The following ARHGAP1 variants were observed in gnomAD, a reference collection of about 807,000 sequenced individuals.
ARHGAP1 encodes the protein rho GTPase-activating protein 1.
ARHGAP1 carries 23 observed loss-of-function variants against 52.2 expected under a neutral mutation model. The observed-to-expected ratio is 0.44, with a 90% CI of 0.32 to 0.62. ARHGAP1 has a LOEUF of 0.62. Ranked by LOEUF, ARHGAP1 falls within the 20% of genes least tolerant of loss-of-function variation. The probability of loss-of-function intolerance (pLI) is 0.05; values close to 1 mark genes in which losing one functional copy is unlikely to be tolerated. For missense variants in ARHGAP1, 480 were observed against 560.9 expected (o/e 0.86, Z 1.46); for synonymous variants, 210 against 228.4 (o/e 0.92, Z 0.73).
At chr11:46,697,854 C>G (rs555612655) in intron 1 of ARHGAP1, among the ~76,000 whole-genome samples, 1 of 152,086 alleles carries the variant, frequency 6.6e-6, no homozygotes, top group African/African-American at 2.4e-5. Flanking sequence ...TCCCCTTCAG[C>G]CTTCAACCCT....
In ARHGAP1 at chr11:46,681,340, T is replaced by G. The variant is rs757749300; in HGVS notation, c.489A>C (p.Pro163=). 3 of 1,613,638 alleles carry G rather than the reference T, an allele frequency of 1.9e-6. No individual in the cohort carries two copies. Among genetic ancestry groups the G allele is most frequent in the African/African-American group, 2.7e-5 (2 of 74,918 alleles). Reference sequence around the variant, plus strand: ...TGAGCAGAGTTTTGATGAACATGGTTGGATGCACGATGTACAAGGCCTTGA... The same window carrying G: ...TGAGCAGAGTTTTGATGAACATGGTGGGATGCACGATGTACAAGGCCTTGA... ...KNIKALYIVH[P]TMFIKTLLIL... The change falls in exon 6 of 13, where the codon CCA becomes CCC. Residue 163 remains proline, a synonymous_variant. Transcript: ENST00000311956. The surrounding 1 kb of genome is among the most constrained non-coding windows in gnomAD (Gnocchi z 5.7).
At position 46,680,596 on chromosome 11, in the gene ARHGAP1, A is replaced by G; in HGVS notation, c.744-33T>C. ...AAAAAGGCTGGTGAGCCGGGCCTGC[A>G]GCCCTTCCCGCCCCGCCGTGGCCCA... On this transcript the variant is annotated intron_variant, in intron 8 of 12. Coordinates refer to ENST00000311956, the MANE Select transcript of ARHGAP1 (RefSeq NM_004308.5). The surrounding 1 kb of genome is among the most constrained non-coding windows in gnomAD (Gnocchi z 5.9). 1.2e-6 allele frequency: 2 copies of G among 1,613,370 alleles called. No individual in the cohort carries two copies. Among genetic ancestry groups the G allele is most frequent in the Non-Finnish European group, 1.7e-6 (2 of 1,179,520 alleles).
chr11:46,695,289 C>T (rs2064643732), intron 3 of ARHGAP1: 1 of 359,384 alleles, frequency 2.8e-6, no homozygotes, highest in Admixed American at 3.7e-5. Context: ...AGGACTGGCA[C>T]TCCTCATCCT....
chr11:46,699,383 G>A (rs1180444325), intron 1 of ARHGAP1, among the ~76,000 whole-genome samples: 1 of 152,138 alleles, frequency 6.6e-6, no homozygotes, highest in Non-Finnish European at 1.5e-5. Flanking sequence ...GATGAGGCAT[G>A]TTCTACTAAG....
rs766005458 is a variant in ARHGAP1, at chr11:46,679,240, A to G, written c.1132-15T>C. On this transcript the variant is annotated splice_polypyrimidine_tract_variant and intron_variant, in intron 12 of 12. Transcript: ENST00000311956. This position sits in a 1 kb window ranked among gnomAD's most constrained non-coding sequence, Gnocchi z 4.4. ...TGTGCAGAAATCTGTGGAGGGAATC[A>G]GGGACTGCAGCAGGAAGCCACAGAT... 2.5e-6 allele frequency: 4 copies of G among 1,593,424 alleles called. No individual in the cohort carries two copies. Among genetic ancestry groups the G allele is most frequent in the African/African-American group, 1.3e-5 (1 of 74,538 alleles).
rs1467634687 is a variant in ARHGAP1, at chr11:46,680,625, AC to A, written c.743+14del. The A allele has an allele frequency of 6.2e-7, 1 of 1,613,290 alleles. No individual in the cohort carries two copies. The highest frequency in any genetic ancestry group is 2.2e-5 in the East Asian group (1 of 44,836). ...CTTCCCGCCCCGCCGTGGCCCAGCC[AC>A]CTTTCATACTTACTGCTGCAGCGAG... is the stretch of plus-strand genomic sequence containing the variant. On this transcript the variant is annotated intron_variant, in intron 8 of 12. Coordinates refer to ENST00000311956, the MANE Select transcript of ARHGAP1 (RefSeq NM_004308.5). The surrounding 1 kb of genome is among the most constrained non-coding windows in gnomAD (Gnocchi z 5.9).
At chr11:46,699,930 G>C (rs976128000) in intron 1 of ARHGAP1, among the ~76,000 whole-genome samples, 1 of 152,062 alleles carries the variant, frequency 6.6e-6, no homozygotes, top group Non-Finnish European at 1.5e-5. Context: ...CCAGCACTTT[G>C]GGAGGCGGGG....
At chr11:46,691,848 A>G (rs1274822194) in intron 3 of ARHGAP1, among the ~76,000 whole-genome samples, 1 of 152,136 alleles carries the variant, frequency 6.6e-6, no homozygotes, top group African/African-American at 2.4e-5. Context: ...TCAGCCTCCC[A>G]AAGTATTGGG....
rs1421238177 is a variant in ARHGAP1, at chr11:46,679,356, A to G, written c.1131+9T>C. ...CCCTTCACCCCAGAGGCCAAGTCCA[A>G]GGTCTCACCTGCACCAGGAAAGCAG... is the stretch of plus-strand genomic sequence containing the variant. On this transcript the variant is annotated intron_variant, in intron 12 of 12. Transcript: ENST00000311956. The surrounding 1 kb of genome is among the most constrained non-coding windows in gnomAD (Gnocchi z 4.4). 2.4e-5 allele frequency: 39 copies of G among 1,613,388 alleles called. No individual in the cohort carries two copies. The highest frequency in any genetic ancestry group is 3.2e-5 in the Non-Finnish European group (38 of 1,179,816).
intron 3 of ARHGAP1, among the ~76,000 whole-genome samples, chr11:46,693,058 T>C (rs2064626691): frequency 6.6e-6 from 1 of 152,114 alleles, no homozygotes. Context: ...TTCACTGTGT[T>C]AGCCAGGATG....
intron 3 of ARHGAP1, among the ~76,000 whole-genome samples, chr11:46,692,665 T>A (rs1473440755): frequency 6.6e-6 from 1 of 152,136 alleles, no homozygotes; most frequent in African/African-American, 2.4e-5. Context: ...ACCTCCATGA[T>A]GTTATATGAC....
At chr11:46,697,526 T>C (rs2064665413) in intron 1 of ARHGAP1, 1 of 152,218 alleles carries the variant, frequency 6.6e-6, no homozygotes, top group Non-Finnish European at 1.5e-5. Flanking sequence ...CTGAGGCCAC[T>C]TGACAACCTC....
chr11:46,678,053 C>G lies in ARHGAP1; in HGVS notation c.*984G>C. 1 of 355,910 alleles carries G rather than the reference C, an allele frequency of 2.8e-6. No individual in the cohort carries two copies. The highest frequency in any genetic ancestry group is 2.0e-5 in the South Asian group (1 of 49,734). The allele number at this position is 355,910 out of a possible 1,614,324, so 22.0% of individuals were successfully genotyped here. On this transcript the variant is annotated 3_prime_UTR_variant, in exon 13 of 13. Coordinates refer to ENST00000311956, the MANE Select transcript of ARHGAP1 (RefSeq NM_004308.5). ...GCACAATCTCTGCCCCTCCTACGGG[C>G]ACTCTTAGTCTCTACCCCAGCCCCT... is the stretch of plus-strand genomic sequence containing the variant.
chr11:46,689,211 T>C (rs891082412), intron 3 of ARHGAP1, among the ~76,000 whole-genome samples: 2 of 152,168 alleles, frequency 1.3e-5, no homozygotes, highest in Non-Finnish European at 2.9e-5. Flanking sequence ...TGATACATGC[T>C]ACAATGTGGA....
rs564406586 is a variant in ARHGAP1, at chr11:46,682,119, G to A, written c.381C>T (p.His127=). Residue 127 remains histidine, a synonymous_variant, in exon 5 of 13, where the codon CAC becomes CAT. Coordinates refer to ENST00000311956, the MANE Select transcript of ARHGAP1 (RefSeq NM_004308.5). ...ESDYTLLYLH[H]GLTSDNKPSL... The stretch of plus-strand genomic sequence containing the variant: ...AGGGCTTGTTGTCGCTGGTCAGGCC[G>A]TGGTGCAGATACAGAAGTGTGTAGT... 9.9e-6 allele frequency: 16 copies of A among 1,614,192 alleles called. No homozygotes were observed. Among genetic ancestry groups the A allele is most frequent in the Admixed American group, 3.3e-5 (2 of 60,022 alleles).
At position 46,680,754 on chromosome 11, in the gene ARHGAP1, G is replaced by A. The variant is rs199815861; in HGVS notation, c.636-7C>T. The A allele has an allele frequency of 2.0e-6, 3 of 1,533,468 alleles. No individual in the cohort carries two copies. The highest frequency in any genetic ancestry group is 2.6e-6 in the Non-Finnish European group (3 of 1,143,230). The allele number at this position is 1,533,468 out of a possible 1,614,324, so 95.0% of individuals were successfully genotyped here. A position where few individuals can be genotyped will look rare whatever the true frequency, so the allele number is the denominator to read the frequency against. ...TTTCAGGAAGTCGTCATATCTGTAGGAGTAGAGGGAGGTGGGTCAGGTCCT... is the reference window on the plus strand; with the variant it reads ...TTTCAGGAAGTCGTCATATCTGTAGAAGTAGAGGGAGGTGGGTCAGGTCCT... On this transcript the variant is annotated splice_region_variant and splice_polypyrimidine_tract_variant and intron_variant, in intron 7 of 12. Coordinates refer to ENST00000311956, the MANE Select transcript of ARHGAP1 (RefSeq NM_004308.5). The surrounding 1 kb of genome is among the most constrained non-coding windows in gnomAD (Gnocchi z 5.9).
Position 46,678,394 on chromosome 11 carries a change from A to G in ARHGAP1, c.*643T>C, listed in dbSNP as rs1445081480. ...GGGGTTAGGACACCCCAGGGGCAGT[A>G]TCACTTGGGAAAGGCTGACCCAGGA... On this transcript the variant is annotated 3_prime_UTR_variant, in exon 13 of 13. Coordinates refer to ENST00000311956, the MANE Select transcript of ARHGAP1 (RefSeq NM_004308.5). 4 of 164,424 alleles carry G rather than the reference A, an allele frequency of 2.4e-5. No individual in the cohort carries two copies. Among genetic ancestry groups the G allele is most frequent in the Admixed American group, 1.7e-4 (3 of 17,280 alleles). 10.2% of individuals were successfully genotyped at this position (164,424 alleles called of 1,614,324 possible). A position where few individuals can be genotyped will look rare whatever the true frequency, so the allele number is the denominator to read the frequency against.
At chr11:46,688,811 G>A (rs1237461252) in intron 3 of ARHGAP1, among the ~76,000 whole-genome samples, 1 of 151,556 alleles carries the variant, frequency 6.6e-6, no homozygotes, top group Non-Finnish European at 1.5e-5. Flanking sequence ...GGCCGGGCGC[G>A]GTGGCTCACG....
rs542966804 is a variant in ARHGAP1, at chr11:46,694,023, C to T, written c.229+1637G>A. On this transcript the variant is annotated intron_variant, in intron 3 of 12. Transcript: ENST00000311956. ...GAGCTGAGGCTATAACCCACCCTCC[C>T]TTCCTACAAGGGCTTCTCCCGGACA... Among the ~76,000 whole-genome samples the T allele has an allele frequency of 5.9e-5, 9 of 152,298 alleles. No individual in the cohort carries two copies. The East Asian group carries it at 1.7e-3, about 29-fold the overall frequency.
Sources: allele counts gnomAD v4.1 joint callset (sites outside exome capture counted in the v4.1 genomes callset), GRCh38; gene constraint gnomAD v4.1.1; non-coding constraint Gnocchi (gnomAD v3.1); transcripts MANE v1.5; gene names NCBI Gene and HGNC (gene_info 2026-07-23, HGNC 2026-07-21).